The following HERC2 variants were observed in gnomAD, a reference collection of about 807,000 sequenced individuals.
HERC2 encodes HECT and RLD domain containing E3 ubiquitin protein ligase 2, also known as E3 ubiquitin-protein ligase HERC2.
In HERC2, 102 loss-of-function variants were observed where a neutral mutation model predicts 537.7. That is an observed-to-expected ratio of 0.19 (90% confidence interval 0.16 to 0.22). The LOEUF (loss-of-function observed/expected upper bound fraction) is 0.22, where lower values mean the gene tolerates loss of function less well. Among genes scored for constraint, HERC2 ranks in the 10% least tolerant of loss-of-function variants. The probability of loss-of-function intolerance (pLI) is 1.00; values close to 1 mark genes in which losing one functional copy is unlikely to be tolerated. For synonymous variants in HERC2, 2,224 were observed against 2,466.2 expected (o/e 0.90, Z 2.91); for missense variants, 4,236 against 6,198.2 (o/e 0.68, Z 10.63).
At chr15:28,235,493 A>G (rs1373125222) in intron 26 of HERC2, among the ~76,000 whole-genome samples, 5 of 152,070 alleles carry the variant, frequency 3.3e-5, no homozygotes, top group African/African-American at 7.2e-5. Flanking sequence ...ACAAAGGTCC[A>G]CCCAACGGGG....
chr15:28,276,178 T>A (rs1596372082), intron 5 of HERC2, among the ~76,000 whole-genome samples: 1 of 90,284 alleles, frequency 1.1e-5, no homozygotes, highest in South Asian at 4.5e-4. Context: ...AGAGCAAGAC[T>A]CCATCTCAAA....
intron 4 of HERC2, among the ~76,000 whole-genome samples, chr15:28,287,092 T>C (rs1396356492): frequency 1.3e-5 from 2 of 152,060 alleles, no homozygotes; most frequent in Admixed American, 1.3e-4. Context: ...TTTTTCATAA[T>C]AAAACGTTGG....
In HERC2 at chr15:28,113,290, G is replaced by A; in HGVS notation, c.14020-7C>T. On this transcript the variant is annotated splice_polypyrimidine_tract_variant and splice_region_variant and intron_variant, in intron 91 of 92. Transcript: ENST00000261609. This position sits in a 1 kb window ranked among gnomAD's most constrained non-coding sequence, Gnocchi z 7.0. Reference sequence around the variant, plus strand: ...TGTCAGGGCTGCCACACACCTGCGGGAGGATGTCTGTCAGGGCCGCGTGAT... The same window carrying A: ...TGTCAGGGCTGCCACACACCTGCGGAAGGATGTCTGTCAGGGCCGCGTGAT... 1.9e-6 allele frequency: 3 copies of A among 1,613,814 alleles called. No homozygotes were observed. Among genetic ancestry groups the A allele is most frequent in the Non-Finnish European group, 2.5e-6 (3 of 1,179,814 alleles).
chr15:28,161,192 G>A (rs973129610), intron 69 of HERC2, among the ~76,000 whole-genome samples: 4 of 152,108 alleles, frequency 2.6e-5, no homozygotes, highest in African/African-American at 9.7e-5. Flanking sequence ...TAAAATTTCT[G>A]ACCATCAGAG....
intron 48 of HERC2, among the ~76,000 whole-genome samples, chr15:28,201,187 C>T (rs1360998795): frequency 2.0e-5 from 3 of 152,148 alleles, no homozygotes; most frequent in African/African-American, 7.2e-5. Flanking sequence ...GTAGGCTTTG[C>T]ACCCATGTCA....
intron 69 of HERC2, among the ~76,000 whole-genome samples, chr15:28,160,511 T>C (rs1893481223): frequency 6.6e-6 from 1 of 152,220 alleles, no homozygotes; most frequent in African/African-American, 2.4e-5. Flanking sequence ...CGAGGCTCCG[T>C]GGGCGTGGGA....
chr15:28,210,414 G>T (rs1266363529), intron 44 of HERC2, among the ~76,000 whole-genome samples: 1 of 152,214 alleles, frequency 6.6e-6, no homozygotes, highest in Admixed American at 6.5e-5. Flanking sequence ...GGGATTACAG[G>T]CATGAGCCAT....
intron 92 of HERC2, 101 bp downstream of exon 92, chr15:28,112,959 TAAAGACTCAAG>T (rs1887809349): frequency 1.3e-6 from 1 of 793,990 alleles, no homozygotes; most frequent in East Asian, 2.7e-5. Flanking sequence ...TTCATTTCTG[TAAAGACTCAAG>T]AGGCTCGTTT....
intron 78 of HERC2, among the ~76,000 whole-genome samples, chr15:28,136,387 A>C (rs1890641399): frequency 6.6e-6 from 1 of 152,156 alleles, no homozygotes; most frequent in Admixed American, 6.5e-5. Context: ...TCAGGTGGAT[A>C]AATGAGCCCC....
intron 38 of HERC2, among the ~76,000 whole-genome samples, chr15:28,217,976 T>C (rs930034017): frequency 2.0e-5 from 3 of 152,054 alleles, no homozygotes; most frequent in African/African-American, 7.3e-5. Context: ...AATTTGTTGT[T>C]TGAGGCCAGT....
intron 87 of HERC2, 42 bp downstream of exon 87, chr15:28,116,971 C>T (rs770636906): frequency 1.2e-6 from 2 of 1,613,552 alleles, no homozygotes. Context: ...CAGGCGACCA[C>T]TGCCGGGGAC....
In HERC2 at chr15:28,256,383, AAC is replaced by A; in HGVS notation, c.2518-68_2518-67del. 2.9e-6 allele frequency: 3 copies of A among 1,042,074 alleles called. No individual in the cohort carries two copies. In the South Asian group the frequency reaches 4.5e-5, roughly 16 times the overall value. The allele number at this position is 1,042,074 out of a possible 1,614,324, so 64.6% of individuals were successfully genotyped here. On this transcript the variant is annotated intron_variant, in intron 17 of 92. Coordinates refer to ENST00000261609, the MANE Select transcript of HERC2 (RefSeq NM_004667.6). Reference sequence around the variant, plus strand: ...ATGAGTGAATTTCAAAGTCTTATTAAACACTGAATAAAAGTCAATTTCAAGTA... The same window carrying A: ...ATGAGTGAATTTCAAAGTCTTATTAAACTGAATAAAAGTCAATTTCAAGTA...
chr15:28,235,445 T>G (rs1251326437), intron 26 of HERC2, among the ~76,000 whole-genome samples: 2 of 151,996 alleles, frequency 1.3e-5, no homozygotes, highest in Non-Finnish European at 2.9e-5. Flanking sequence ...AGCAGATACC[T>G]CAGAGGGCAC....
rs1349236467 is a variant in HERC2 at position 28,278,123 on chromosome 15, A to G, written c.542+1945T>C. 2.6e-5 allele frequency among the ~76,000 whole-genome samples: 4 copies of G among 152,022 alleles called. No individual in the cohort carries two copies. In the East Asian group the frequency reaches 5.8e-4, roughly 22 times the overall value. ...AAAAAAAAAAAAAAATTGGCCAGGT[A>G]TGGTGGCTCATGCTTGTAATCCCAG... On this transcript the variant is annotated intron_variant, in intron 5 of 92. Coordinates refer to ENST00000261609, the MANE Select transcript of HERC2 (RefSeq NM_004667.6).
intron 5 of HERC2, among the ~76,000 whole-genome samples, chr15:28,278,461 ATTGTT>A (rs2141037197): frequency 6.6e-6 from 1 of 152,186 alleles, no homozygotes; most frequent in South Asian, 2.1e-4. Context: ...GTTATATTGT[ATTGTT>A]TTTTCTTTGT....
At chr15:28,287,269 T>C (rs1635169) in intron 4 of HERC2, among the ~76,000 whole-genome samples, 148,205 of 152,284 alleles carry the variant, frequency 0.97, 72,204 homozygotes, top group Non-Finnish European at 0.99. Flanking sequence ...GCTATTCTAA[T>C]AGCTACAAAT....
At chr15:28,118,063 A>C in intron 86 of HERC2, 1 of 168,698 alleles carries the variant, frequency 5.9e-6, no homozygotes, top group South Asian at 1.3e-4. Flanking sequence ...CATAACCAAG[A>C]CTAAAAATAC....
chr15:28,280,861 G>C (rs1249668841), intron 4 of HERC2, among the ~76,000 whole-genome samples: 1 of 152,022 alleles, frequency 6.6e-6, no homozygotes, highest in African/African-American at 2.4e-5. Flanking sequence ...AGTGAGCTGA[G>C]ATTTTGTCAC....
chr15:28,236,204 G>GCAAATGAC (rs1347328891), intron 26 of HERC2, among the ~76,000 whole-genome samples: 1 of 152,122 alleles, frequency 6.6e-6, no homozygotes, highest in African/African-American at 2.4e-5. Flanking sequence ...GACCATGAGG[G>GCAAATGAC]CAAATGACAA....
Sources: allele counts gnomAD v4.1 joint callset (sites outside exome capture counted in the v4.1 genomes callset), GRCh38; gene constraint gnomAD v4.1.1; non-coding constraint Gnocchi (gnomAD v3.1); transcripts MANE v1.5; gene names NCBI Gene and HGNC (gene_info 2026-07-23, HGNC 2026-07-21).